Variants in EIF2AK3 observed in about 807,000 individuals in gnomAD.
EIF2AK3 encodes the protein eukaryotic translation initiation factor 2-alpha kinase 3.
A neutral mutation model predicts 113.5 loss-of-function variants in EIF2AK3; 50 were observed. The ratio of observed to expected loss-of-function variants is 0.44; its 90% confidence interval spans 0.35 to 0.56. EIF2AK3 has a LOEUF of 0.56. EIF2AK3 is among the 20% of genes least tolerant of loss of function. The pLI is 0.00. For synonymous variants in EIF2AK3, 448 were observed against 495.4 expected (o/e 0.90, Z 1.27); for missense variants, 1,185 against 1,378.0 (o/e 0.86, Z 2.22).
intron 8 of EIF2AK3, among the ~76,000 whole-genome samples, chr2:88,587,213 A>C (rs1674759652): frequency 7.2e-6 from 1 of 139,064 alleles, no homozygotes; most frequent in Admixed American, 7.3e-5. Context: ...TCAAAAAAAA[A>C]AAAAAAAAAA....
In EIF2AK3 at chr2:88,562,307, A is replaced by C; in HGVS notation, c.3069T>G (p.Thr1023=). The C allele has an allele frequency of 6.2e-7, 1 of 1,613,916 alleles. No individual in the cohort carries two copies. The highest frequency in any genetic ancestry group is 8.5e-7 in the Non-Finnish European group (1 of 1,179,856). ...ILFELLYPFS[T]QMERVRTLTD... Reference sequence around the variant, plus strand: ...TACTTACCCTGACTCTCTCCATCTGAGTGCTGAATGGATACAGCAATTCAA... The same window carrying C: ...TACTTACCCTGACTCTCTCCATCTGCGTGCTGAATGGATACAGCAATTCAA... Residue 1023 remains threonine, a synonymous_variant, in exon 15 of 17, where the codon ACT becomes ACG. Transcript: ENST00000303236.
intron 14 of EIF2AK3, among the ~76,000 whole-genome samples, chr2:88,563,525 TAAAC>T (rs1674020562): frequency 6.6e-6 from 1 of 152,106 alleles, no homozygotes. Context: ...AGAATATAAA[TAAAC>T]ACAAATTTAT....
chr2:88,560,340 G>T (rs1221767211), intron 15 of EIF2AK3, among the ~76,000 whole-genome samples: 4 of 152,066 alleles, frequency 2.6e-5, no homozygotes, highest in Non-Finnish European at 5.9e-5. Context: ...TATGTATTCT[G>T]AATTCTAGAC....
Position 88,591,151 on chromosome 2 carries a change from T to C in EIF2AK3, c.768-99A>G, listed in dbSNP as rs970473175. 7.3e-6 allele frequency: 8 copies of C among 1,093,792 alleles called. No individual in the cohort carries two copies. In the Admixed American group the frequency reaches 1.0e-4, roughly 14 times the overall value. 67.8% of individuals were successfully genotyped at this position (1,093,792 alleles called of 1,614,324 possible). ...ATTGAAGAAGCAAATACTAAAATTA[T>C]GTGATGAGAAAACTAACAACATAAC... On this transcript the variant is annotated intron_variant, in intron 4 of 16. Transcript: ENST00000303236.
intron 2 of EIF2AK3, among the ~76,000 whole-genome samples, chr2:88,601,606 C>T (rs1326259952): frequency 6.6e-6 from 1 of 152,164 alleles, no homozygotes; most frequent in Non-Finnish European, 1.5e-5. Context: ...TTGCTGGCCC[C>T]TATGCTATAC....
At position 88,557,465 on chromosome 2, in the gene EIF2AK3, A is replaced by C. The variant is rs886056414; in HGVS notation, c.*271T>G. ...GGGATTGCTGCTACCTCCTTAGGCA[A>C]ATGGTGAGGGCTATAAAGCTTGGCC... On this transcript the variant is annotated 3_prime_UTR_variant, in exon 17 of 17. Coordinates refer to ENST00000303236, the MANE Select transcript of EIF2AK3 (RefSeq NM_004836.7). The C allele has an allele frequency of 1.5e-4, 74 of 493,596 alleles. No individual in the cohort carries two copies. The highest frequency in any genetic ancestry group is 4.8e-5 in the Non-Finnish European group (13 of 272,356). 30.6% of individuals were successfully genotyped at this position (493,596 alleles called of 1,614,324 possible).
At chr2:88,588,539 T>A (rs867691525) in intron 7 of EIF2AK3, among the ~76,000 whole-genome samples, 5 of 152,304 alleles carry the variant, frequency 3.3e-5, no homozygotes, top group African/African-American at 2.4e-5. Context: ...TAGAGAAATA[T>A]TTGATTAACA....
At chr2:88,619,307 T>C (rs1675661863) in intron 1 of EIF2AK3, among the ~76,000 whole-genome samples, 1 of 152,124 alleles carries the variant, frequency 6.6e-6, no homozygotes, top group Non-Finnish European at 1.5e-5. Context: ...ATCATCCTTA[T>C]AGTTTTCTAT....
rs1353109683 is a variant in EIF2AK3 at position 88,595,535 on chromosome 2, T to C, written c.567A>G (p.Gly189=). The stretch of plus-strand genomic sequence containing the variant: ...TTCCTCCAACCAAAACAACATCATC[T>C]CCAAATTTATAAGAAGATTCAAGAA... ...ESLLESSYKF[G]DDVVLVGGKS... The change falls in exon 3 of 17, where the codon GGA becomes GGG. Residue 189 remains glycine, a synonymous_variant. Transcript: ENST00000303236. 6.2e-7 allele frequency: 1 copy of C among 1,613,994 alleles called. No homozygotes were observed. Among genetic ancestry groups the C allele is most frequent in the East Asian group, 2.2e-5 (1 of 44,854 alleles).
chr2:88,574,894 T>TA lies in EIF2AK3; in HGVS notation c.2588dup (p.Leu863PhefsTer7), dbSNP rs1674412113. ...TGGTGTTTTTAGTGAGATCTAAACT[T>TA]AAAGTGGTTGGTCTTGGAGGAGAAA... On this transcript the variant is annotated frameshift_variant, in exon 13 of 17. Coordinates refer to ENST00000303236, the MANE Select transcript of EIF2AK3 (RefSeq NM_004836.7). LOFTEE classifies it high-confidence loss of function. 6.2e-7 allele frequency: 1 copy of TA among 1,614,202 alleles called. No individual in the cohort carries two copies. The highest frequency in any genetic ancestry group is 8.5e-7 in the Non-Finnish European group (1 of 1,180,014).
chr2:88,610,823 A>C (rs1485544639), intron 2 of EIF2AK3, among the ~76,000 whole-genome samples: 3 of 152,132 alleles, frequency 2.0e-5, no homozygotes, highest in Non-Finnish European at 2.9e-5. Flanking sequence ...TTGAGAGGCC[A>C]AGGTGGGAAG....
chr2:88,594,723 C>T (rs979106551), intron 3 of EIF2AK3, among the ~76,000 whole-genome samples: 1 of 149,894 alleles, frequency 6.7e-6, no homozygotes, highest in Non-Finnish European at 1.5e-5. Context: ...AAACTTTCCT[C>T]TTGGATCACC....
At chr2:88,617,920 T>C (rs1335152098) in intron 1 of EIF2AK3, among the ~76,000 whole-genome samples, 1 of 152,194 alleles carries the variant, frequency 6.6e-6, no homozygotes, top group East Asian at 1.9e-4. Flanking sequence ...GGCTTTCCTT[T>C]GTAAACCCAA....
chr2:88,574,974 G>A lies in EIF2AK3; in HGVS notation c.2509C>T (p.Leu837=), dbSNP rs137868793. ...LHIGNHCANK[L]TAFKPTSSKS... is the part of the protein sequence containing the mutation. ...CTACTGGTGGGCTTGAAAGCAGTTAGTTTATTAGCACAATGGTTGCCAATA... is the reference window on the plus strand; with the variant it reads ...CTACTGGTGGGCTTGAAAGCAGTTAATTTATTAGCACAATGGTTGCCAATA... Residue 837 remains leucine, a synonymous_variant, in exon 13 of 17, where the codon CTA becomes TTA. Transcript: ENST00000303236. The A allele has an allele frequency of 2.5e-6, 4 of 1,614,160 alleles. No individual in the cohort carries two copies. Among genetic ancestry groups the A allele is most frequent in the South Asian group, 2.2e-5 (2 of 91,088 alleles).
intron 10 of EIF2AK3, among the ~76,000 whole-genome samples, chr2:88,582,094 C>A (rs988629279): frequency 6.6e-6 from 1 of 152,140 alleles, no homozygotes; most frequent in Non-Finnish European, 1.5e-5. Flanking sequence ...GTTCCTGTGA[C>A]CTTATGTTCG....
At chr2:88,603,148 A>G in intron 2 of EIF2AK3, among the ~76,000 whole-genome samples, 1 of 152,178 alleles carries the variant, frequency 6.6e-6, no homozygotes, top group Non-Finnish European at 1.5e-5. Flanking sequence ...CAACCAGACC[A>G]GCTGACTGCA....
intron 2 of EIF2AK3, among the ~76,000 whole-genome samples, chr2:88,610,910 G>A (rs776958041): frequency 1.2e-4 from 18 of 152,048 alleles, no homozygotes; most frequent in African/African-American, 4.1e-4. Flanking sequence ...AAGTTAGCTG[G>A]GCATGGTGGT....
chr2:88,574,845 G>A lies in EIF2AK3; in HGVS notation c.2638C>T (p.Pro880Ser). Residue 880 changes from proline to serine, a missense_variant, in exon 13 of 17, where the codon CCA (proline) becomes TCA (serine). By Grantham distance (74) the Pro-to-Ser change is moderately conservative. Transcript: ENST00000303236. ...ATTTGAATGTAAAGATACACCTTTG[G>A]TGAACTGGGCTGGAGTTTTTCTGTG... ...NTTEKLQPSSPKVYLYIQMQL... is the reference protein window; with the variant it reads ...NTTEKLQPSSSKVYLYIQMQL... 1.9e-6 allele frequency: 3 copies of A among 1,614,184 alleles called. No homozygotes were observed. Among genetic ancestry groups the A allele is most frequent in the Non-Finnish European group, 2.5e-6 (3 of 1,180,014 alleles).
intron 10 of EIF2AK3, among the ~76,000 whole-genome samples, chr2:88,580,347 G>T (rs1476220969): frequency 6.6e-6 from 1 of 152,096 alleles, no homozygotes; most frequent in Non-Finnish European, 1.5e-5. Flanking sequence ...TGCTCCACTG[G>T]GATGGCCTTC....
Sources: gnomAD v4.1 joint callset for allele counts (sites outside exome capture counted in the v4.1 genomes callset) on GRCh38, gnomAD v4.1.1 for gene constraint, MANE v1.5 for transcripts, NCBI Gene and HGNC (gene_info 2026-07-23, HGNC 2026-07-21) for gene names.